HPN: variants seen among roughly 807,000 people sequenced by gnomAD.
HPN encodes serine protease hepsin.
A neutral mutation model predicts 55.9 loss-of-function variants in HPN; 13 were observed. The observed-to-expected ratio is 0.23, with a 90% CI of 0.15 to 0.37. The LOEUF (loss-of-function observed/expected upper bound fraction) is 0.37. Ranked by LOEUF, HPN falls within the 10% of genes least tolerant of loss-of-function variation. The probability of loss-of-function intolerance (pLI) is 1.00; values close to 1 mark genes in which losing one functional copy is unlikely to be tolerated. For missense variants in HPN, 451 were observed against 575.8 expected (o/e 0.78, Z 2.22); for synonymous variants, 225 against 240.3 (o/e 0.94, Z 0.59).
At chr19:35,060,208 T>G in intron 7 of HPN, 39 bp downstream of exon 7, 1 of 1,612,886 alleles carries the variant, frequency 6.2e-7, no homozygotes, top group African/African-American at 1.3e-5. Context: ...CTTTAGGCCC[T>G]TGGGGAGGCC....
intron 7 of HPN, 49 bp from the exon 8 acceptor site, chr19:35,060,298 C>T (rs550028278): frequency 6.2e-7 from 1 of 1,607,070 alleles, no homozygotes; most frequent in African/African-American, 1.3e-5. Flanking sequence ...CTCTGGGGAC[C>T]TGGGCTCCAG....
chr19:35,054,073 A>C (rs1180298266), intron 4 of HPN, among the ~76,000 whole-genome samples: 1 of 152,186 alleles, frequency 6.6e-6, no homozygotes, highest in East Asian at 1.9e-4. Context: ...GCCTCTGGGC[A>C]AGTTTATTCC....
In HPN at chr19:35,066,385, G is replaced by A. The variant is rs1339953366; in HGVS notation, c.*98G>A. On this transcript the variant is annotated 3_prime_UTR_variant, in exon 13 of 13. Coordinates refer to ENST00000672452, the MANE Select transcript of HPN (RefSeq NM_001384133.1). ...ATGGGACGTTTTTCTTCTTGGGCCCGGTCCACAGGTCCAAGGACACCCTCC... is the reference window on the plus strand; with the variant it reads ...ATGGGACGTTTTTCTTCTTGGGCCCAGTCCACAGGTCCAAGGACACCCTCC... The A allele has an allele frequency of 2.1e-5, 31 of 1,478,970 alleles. No individual in the cohort carries two copies. The highest frequency in any genetic ancestry group is 9.7e-5 in the South Asian group (8 of 82,432). 91.6% of individuals were successfully genotyped at this position (1,478,970 alleles called of 1,614,324 possible). A position where few individuals can be genotyped will look rare whatever the true frequency, so the allele number is the denominator to read the frequency against.
At chr19:35,060,883 G>A (rs1195340400) in intron 9 of HPN, 66 bp downstream of exon 9, 2 of 1,361,230 alleles carry the variant, frequency 1.5e-6, no homozygotes, top group Admixed American at 4.6e-5. Flanking sequence ...GAGGGGACCA[G>A]GGGCACAAGG....
chr19:35,049,834 A>C (rs919607141), intron 4 of HPN, among the ~76,000 whole-genome samples: 10 of 150,492 alleles, frequency 6.6e-5, no homozygotes, highest in Non-Finnish European at 1.5e-4. Flanking sequence ...ATCTCTCAGT[A>C]AGTAAAGGTT....
chr19:35,060,158 C>G lies in HPN; in HGVS notation c.443C>G (p.Ala148Gly). 6.2e-7 allele frequency: 1 copy of G among 1,614,182 alleles called. No homozygotes were observed. Among genetic ancestry groups the G allele is most frequent in the Non-Finnish European group, 8.5e-7 (1 of 1,180,044 alleles). ...CDCPRGRFLA[A>G]ICQDCGRRKL... ...TGCCCCAGAGGCCGTTTCTTGGCCG[C>G]CATCTGCCAAGGTGAGATCCTAAAA... The change falls in exon 7 of 13, where the codon GCC becomes GGC. Residue 148 changes from alanine (A) to glycine (G), a missense_variant. By Grantham distance (60) the Ala-to-Gly change is moderately conservative. Coordinates refer to ENST00000672452, the MANE Select transcript of HPN (RefSeq NM_001384133.1).
intron 4 of HPN, among the ~76,000 whole-genome samples, chr19:35,056,133 G>T (rs2064452843): frequency 1.3e-5 from 2 of 152,028 alleles, no homozygotes; most frequent in Non-Finnish European, 2.9e-5. Context: ...CTCACCTCCT[G>T]CAGGTCTTTG....
At chr19:35,064,363 T>G (rs1395216009) in intron 9 of HPN, among the ~76,000 whole-genome samples, 1 of 152,042 alleles carries the variant, frequency 6.6e-6, no homozygotes, top group Non-Finnish European at 1.5e-5. Context: ...CTCTTTCTTT[T>G]TTTGAGACAG....
At chr19:35,042,407 G>A in intron 1 of HPN, 46 bp from the exon 2 acceptor site, 1 of 1,525,224 alleles carries the variant, frequency 6.6e-7, no homozygotes, top group Admixed American at 2.0e-5. Flanking sequence ...GGACTGGGCT[G>A]GGCTGGGCTC....
chr19:35,064,410 G>A (rs1452328738), intron 9 of HPN, among the ~76,000 whole-genome samples: 3 of 150,852 alleles, frequency 2.0e-5, no homozygotes, highest in East Asian at 2.0e-4. Context: ...GTGCAATGGC[G>A]CAATCTCGGC....
At chr19:35,054,409 T>C (rs1449634638) in intron 4 of HPN, among the ~76,000 whole-genome samples, 2 of 143,540 alleles carry the variant, frequency 1.4e-5, no homozygotes, top group Non-Finnish European at 3.1e-5. Context: ...CAGAGCAAGA[T>C]TATGTCTCAA....
chr19:35,050,624 A>C, intron 4 of HPN: 2 of 888,168 alleles, frequency 2.3e-6, no homozygotes, highest in Non-Finnish European at 3.1e-6. Flanking sequence ...TGCCAACTTC[A>C]AGCTGCCATT....
At chr19:35,042,571 C>T in intron 2 of HPN, 49 bp downstream of exon 2, 2 of 1,511,668 alleles carry the variant, frequency 1.3e-6, no homozygotes, top group Non-Finnish European at 1.8e-6. Context: ...TGGCGCCCCG[C>T]CCTCTGTGCT....
At chr19:35,060,268 A>C (rs1346623786) in intron 7 of HPN, 79 bp from the exon 8 acceptor site, 4 of 1,606,618 alleles carry the variant, frequency 2.5e-6, no homozygotes, top group Non-Finnish European at 3.4e-6. Context: ...CAGACCCCCT[A>C]GGGCAGGGCC....
chr19:35,066,231 C>T lies in HPN; in HGVS notation c.1216-18C>T, dbSNP rs1365757858. The T allele has an allele frequency of 6.2e-7, 1 of 1,613,892 alleles. No homozygotes were observed. On this transcript the variant is annotated intron_variant, in intron 12 of 12. Transcript: ENST00000672452. ...GAAGCCTCTCAGACCTCGGGAGCCC[C>T]CAGCTGTCTTTCCCCAGACTCACTC...
intron 4 of HPN, among the ~76,000 whole-genome samples, chr19:35,052,294 G>A (rs1417947276): frequency 1.3e-5 from 2 of 152,076 alleles, no homozygotes; most frequent in Admixed American, 6.6e-5. Context: ...TTGGGAGGCC[G>A]AGGCAGGCAG....
chr19:35,064,092 G>A (rs1486254652), intron 9 of HPN, among the ~76,000 whole-genome samples: 2 of 152,192 alleles, frequency 1.3e-5, no homozygotes, highest in African/African-American at 2.4e-5. Context: ...CTGGGGATAA[G>A]TGATTATTAT....
chr19:35,053,789 C>G (rs907705469), intron 4 of HPN, among the ~76,000 whole-genome samples: 1 of 151,662 alleles, frequency 6.6e-6, no homozygotes, highest in African/African-American at 2.4e-5. Context: ...AATCCGCCCC[C>G]CTCCCCGCCC....
intron 2 of HPN, among the ~76,000 whole-genome samples, chr19:35,048,082 A>AAGAAAAGAAAGAAAGAAAGAAAGAAAAGG (rs111546288): frequency 1.0e-5 from 1 of 96,984 alleles, no homozygotes; most frequent in Non-Finnish European, 2.1e-5. Flanking sequence ...GAAAGAAAGA[A>AAGAAAAGAAAGAAAGAAAGAAAGAAAAGG]AAGGAAGGAA....
Sources: gnomAD v4.1 joint callset for allele counts (sites outside exome capture counted in the v4.1 genomes callset) on GRCh38, gnomAD v4.1.1 for gene constraint, MANE v1.5 for transcripts, NCBI Gene and HGNC (gene_info 2026-07-23, HGNC 2026-07-21) for gene names.